ACO2: variants seen among roughly 807,000 people sequenced by gnomAD.
The protein encoded by ACO2 is aconitate hydratase, mitochondrial.
ACO2 carries 31 observed loss-of-function variants against 84.5 expected under a neutral mutation model. That is an observed-to-expected ratio of 0.37 (90% CI 0.28 to 0.50). The LOEUF is 0.50. Ranked by LOEUF, ACO2 falls within the 20% of genes least tolerant of loss-of-function variation. The pLI is 0.97. For missense variants in ACO2, 685 were observed against 1,029.3 expected (o/e 0.67, Z 4.58); for synonymous variants, 414 against 412.7 (o/e 1.00, Z -0.04).
chr22:41,482,043 C>T (rs1398410872), intron 1 of ACO2, among the ~76,000 whole-genome samples: 1 of 152,212 alleles, frequency 6.6e-6, no homozygotes, highest in Non-Finnish European at 1.5e-5. Context: ...CAGCAGCATC[C>T]TTTCTTCCCT....
chr22:41,481,573 G>A (rs571981717), intron 1 of ACO2, among the ~76,000 whole-genome samples: 3 of 152,362 alleles, frequency 2.0e-5, no homozygotes, highest in East Asian at 1.9e-4. Context: ...TCCGACCTCC[G>A]TCCTTTGGGA....
intron 1 of ACO2, among the ~76,000 whole-genome samples, chr22:41,485,051 A>G (rs960796135): frequency 6.6e-6 from 1 of 150,802 alleles, no homozygotes; most frequent in East Asian, 2.0e-4. Flanking sequence ...ATTTTTTTGT[A>G]TTTTTATTAG....
chr22:41,484,052 C>G (rs2038120783), intron 1 of ACO2, among the ~76,000 whole-genome samples: 1 of 152,050 alleles, frequency 6.6e-6, no homozygotes, highest in African/African-American at 2.4e-5. Flanking sequence ...ATAAGTACAC[C>G]AAGTGTTGAA....
rs538528391 is a variant in ACO2, at chr22:41,510,585, C to G, written c.433-1291C>G. ...GGCTGAGGTCCCTTCTCTGAAGCAT[C>G]GCTCTCCCATGCCGGAGGCTGGCAG... On this transcript the variant is annotated intron_variant, in intron 3 of 17. Transcript: ENST00000216254. 6.6e-5 allele frequency among the ~76,000 whole-genome samples: 10 copies of G among 152,286 alleles called. No homozygotes were observed. In the South Asian group the frequency reaches 2.1e-3, roughly 32 times the overall value.
Position 41,511,875 on chromosome 22 carries a change from G to T in ACO2, c.433-1G>T. 6.2e-7 allele frequency: 1 copy of T among 1,605,206 alleles called. No homozygotes were observed. Among genetic ancestry groups the T allele is most frequent in the South Asian group, 1.1e-5 (1 of 89,636 alleles). ...GCCCAATTATTGATTTGTCTCAATA[G>T]GACATCAACCAGGAAGTTTATAATT... On this transcript the variant is annotated splice_acceptor_variant, in intron 3 of 17. Transcript: ENST00000216254. LOFTEE classifies it high-confidence loss of function.
At chr22:41,469,381 G>A in intron 1 of ACO2, 199 bp downstream of exon 1, 1 of 542,470 alleles carries the variant, frequency 1.8e-6, no homozygotes. Flanking sequence ...AGCTTTCCTG[G>A]CCCTGTCCCT....
At chr22:41,496,788 A>T (rs2066317169) in intron 1 of ACO2, among the ~76,000 whole-genome samples, 1 of 152,000 alleles carries the variant, frequency 6.6e-6, no homozygotes. Flanking sequence ...TGGACTGGGG[A>T]TGTTGCCCCT....
chr22:41,494,981 G>T (rs1327527251), intron 1 of ACO2, among the ~76,000 whole-genome samples: 3 of 151,990 alleles, frequency 2.0e-5, no homozygotes, highest in African/African-American at 7.3e-5. Context: ...TGATCCACTC[G>T]CCTCAGCCTC....
At chr22:41,475,912 A>G (rs1235585000) in intron 1 of ACO2, among the ~76,000 whole-genome samples, 1 of 151,146 alleles carries the variant, frequency 6.6e-6, no homozygotes, top group Admixed American at 6.6e-5. Context: ...AAAAAAAAAA[A>G]AGCAGCAGAT....
intron 1 of ACO2, among the ~76,000 whole-genome samples, chr22:41,483,571 C>T (rs893844078): frequency 9.2e-5 from 14 of 151,650 alleles, no homozygotes; most frequent in Non-Finnish European, 1.5e-4. Flanking sequence ...GCAGGAGAAT[C>T]GCTTGAACCC....
intron 7 of ACO2, 68 bp from the exon 8 acceptor site, chr22:41,518,413 G>C: frequency 1.6e-6 from 2 of 1,237,132 alleles, no homozygotes; most frequent in Non-Finnish European, 2.4e-6. Context: ...GCTCAGGTGG[G>C]TGGTGAGTGA....
chr22:41,514,876 A>G (rs1012068170), intron 4 of ACO2, among the ~76,000 whole-genome samples: 1 of 152,224 alleles, frequency 6.6e-6, no homozygotes, highest in East Asian at 1.9e-4. Context: ...GCAGTTGAGG[A>G]AAAGTTCATA....
chr22:41,490,880 T>C (rs1031164123), intron 1 of ACO2, among the ~76,000 whole-genome samples: 1 of 152,002 alleles, frequency 6.6e-6, no homozygotes, highest in African/African-American at 2.4e-5. Context: ...CTCCTGTGTA[T>C]CGGGCTTGCT....
At chr22:41,501,801 G>A (rs1382528631) in intron 2 of ACO2, among the ~76,000 whole-genome samples, 1 of 152,018 alleles carries the variant, frequency 6.6e-6, no homozygotes, top group Non-Finnish European at 1.5e-5. Context: ...CTATCTACTG[G>A]TATCCCCACT....
chr22:41,469,272 C>G, intron 1 of ACO2, 90 bp downstream of exon 1: 3 of 1,464,134 alleles, frequency 2.0e-6, no homozygotes, highest in Non-Finnish European at 2.8e-6. Flanking sequence ...GAGGCGGGCC[C>G]AACCTGGGGC....
intron 1 of ACO2, among the ~76,000 whole-genome samples, chr22:41,496,977 G>A (rs2066318518): frequency 6.6e-6 from 1 of 152,138 alleles, no homozygotes; most frequent in South Asian, 2.1e-4. Context: ...TGGGGCAGTG[G>A]CTTCAGCTTT....
At chr22:41,518,332 G>A in intron 7 of ACO2, 149 bp from the exon 8 acceptor site, 3 of 651,430 alleles carry the variant, frequency 4.6e-6, no homozygotes, top group Middle Eastern at 4.5e-4. Context: ...GCTCTGTAAG[G>A]GCAGAGACAG....
chr22:41,509,711 T>G, intron 3 of ACO2, among the ~76,000 whole-genome samples: 1 of 149,286 alleles, frequency 6.7e-6, no homozygotes, highest in East Asian at 2.0e-4. Context: ...GAAGAGCGGG[T>G]GGTATGAGGT....
intron 1 of ACO2, among the ~76,000 whole-genome samples, chr22:41,479,043 G>T (rs1296383700): frequency 6.6e-6 from 1 of 152,194 alleles, no homozygotes; most frequent in Non-Finnish European, 1.5e-5. Flanking sequence ...TGTCATGAGT[G>T]TGTTCACAGA....
Sources: gnomAD v4.1 joint callset for allele counts (sites outside exome capture counted in the v4.1 genomes callset) on GRCh38, gnomAD v4.1.1 for gene constraint, MANE v1.5 for transcripts, NCBI Gene and HGNC (gene_info 2026-07-23, HGNC 2026-07-21) for gene names.